Variants in OR3A2 observed in about 807,000 individuals in gnomAD.
OR3A2 encodes olfactory receptor 3A2.
For synonymous variants in OR3A2, 126 were observed against 159.3 expected (o/e 0.79, Z 1.57); for missense variants, 318 against 392.8 (o/e 0.81, Z 1.61).
chr17:3,357,161 T>C (rs2049470883), intron 2 of OR3A2, among the ~76,000 whole-genome samples: 1 of 151,752 alleles, frequency 6.6e-6, no homozygotes, highest in South Asian at 2.1e-4. Flanking sequence ...CCTGTTTGCA[T>C]AGGTGGTACT....
At chr17:3,380,868 G>A (rs1160399830) in intron 2 of OR3A2, among the ~76,000 whole-genome samples, 1 of 152,158 alleles carries the variant, frequency 6.6e-6, no homozygotes, top group African/African-American at 2.4e-5. Context: ...CGGACTTGAG[G>A]CAAGAGAGAG....
chr17:3,291,477 G>A (rs138205348), intron 3 of OR3A2: 1 of 597,950 alleles, frequency 1.7e-6, no homozygotes, highest in East Asian at 2.8e-5. Flanking sequence ...AATTGGACAG[G>A]GCTGCTTTCA....
chr17:3,319,573 G>C (rs1019778221), intron 3 of OR3A2, among the ~76,000 whole-genome samples: 1 of 151,800 alleles, frequency 6.6e-6, no homozygotes, highest in Non-Finnish European at 1.5e-5. Flanking sequence ...TCCCCTTCCG[G>C]GTCCATGTGT....
chr17:3,332,578 CCACT>C (rs1380467443), intron 3 of OR3A2, among the ~76,000 whole-genome samples: 5 of 152,202 alleles, frequency 3.3e-5, no homozygotes, highest in Non-Finnish European at 7.3e-5. Context: ...GTGTGCACAC[CCACT>C]GACCTGCGCC....
At chr17:3,294,454 A>G (rs1309760774) in intron 3 of OR3A2, among the ~76,000 whole-genome samples, 1 of 152,200 alleles carries the variant, frequency 6.6e-6, no homozygotes, top group African/African-American at 2.4e-5. Flanking sequence ...AAGACAAAGG[A>G]GATCCAATCT....
intron 2 of OR3A2, among the ~76,000 whole-genome samples, chr17:3,357,664 G>A (rs58769505): frequency 6.6e-6 from 1 of 151,430 alleles, no homozygotes; most frequent in Non-Finnish European, 1.5e-5. Flanking sequence ...CATTGTGAAT[G>A]TATCAGTGCC....
chr17:3,371,683 G>A (rs1305681152), intron 2 of OR3A2, among the ~76,000 whole-genome samples: 1 of 140,544 alleles, frequency 7.1e-6, no homozygotes, highest in African/African-American at 2.7e-5. Flanking sequence ...GGGGCGGCTG[G>A]CCGGGCGGGG....
rs557182458 is a variant in OR3A2, at chr17:3,330,175, A to G, written c.-85+5858T>C. On this transcript the variant is annotated intron_variant, in intron 3 of 4. Coordinates refer to the OR3A2 transcript ENST00000573491. ...AATAGGTGTGGTGTGGTGCTGAAAA[A>G]AATGTATATTCTGTTGATTTGGGGT... Among the ~76,000 whole-genome samples the G allele has an allele frequency of 1.1e-4, 17 of 150,922 alleles. No individual in the cohort carries two copies. The East Asian group carries it at 2.7e-3, about 24-fold the overall frequency.
intron 2 of OR3A2, among the ~76,000 whole-genome samples, chr17:3,375,234 T>TC (rs1412641870): frequency 3.9e-5 from 3 of 76,096 alleles, no homozygotes; most frequent in African/African-American, 1.5e-4. Context: ...TTTTTTCTTT[T>TC]TTTTTTTTTT....
At chr17:3,294,692 A>G (rs1057194586) in intron 3 of OR3A2, among the ~76,000 whole-genome samples, 7 of 152,132 alleles carry the variant, frequency 4.6e-5, no homozygotes, top group African/African-American at 1.7e-4. Context: ...AAAACAGACA[A>G]ACAAACAAAA....
chr17:3,367,108 T>TA (rs781515578), intron 2 of OR3A2, among the ~76,000 whole-genome samples: 1 of 152,140 alleles, frequency 6.6e-6, no homozygotes, highest in Non-Finnish European at 1.5e-5. Flanking sequence ...GCTCACAAAA[T>TA]AGAGTTTGGG....
At position 3,372,308 on chromosome 17, in the gene OR3A2, C is replaced by G. The variant is rs999771778; in HGVS notation, c.-179+11496G>C. 2.0e-5 allele frequency among the ~76,000 whole-genome samples: 3 copies of G among 149,372 alleles called. No homozygotes were observed. In the South Asian group the frequency reaches 6.6e-4, roughly 33 times the overall value. On this transcript the variant is annotated intron_variant, in intron 2 of 4. Coordinates refer to the OR3A2 transcript ENST00000573491. ...ACTCCTCACTTCCTAGATGGGATGG[C>G]GGCCGGGCAGAGACACTCCTCACTT...
At chr17:3,346,005 T>G (rs920521928) in intron 2 of OR3A2, among the ~76,000 whole-genome samples, 8 of 152,158 alleles carry the variant, frequency 5.3e-5, no homozygotes, top group African/African-American at 1.9e-4. Context: ...GATTTCTGCT[T>G]CTTCTAACAG....
intron 3 of OR3A2, among the ~76,000 whole-genome samples, chr17:3,323,886 T>C (rs2150637180): frequency 6.6e-6 from 1 of 152,192 alleles, no homozygotes; most frequent in Non-Finnish European, 1.5e-5. Flanking sequence ...CTGTATTTCC[T>C]GAATTTGAAT....
chr17:3,341,089 CCT>C (rs1181379555), intron 2 of OR3A2, among the ~76,000 whole-genome samples: 1 of 151,988 alleles, frequency 6.6e-6, no homozygotes, highest in Non-Finnish European at 1.5e-5. Flanking sequence ...AATTGCAACC[CCT>C]GCTTGTTTTT....
At chr17:3,303,873 T>C (rs231685) in intron 3 of OR3A2, among the ~76,000 whole-genome samples, 67,772 of 148,126 alleles carry the variant, frequency 0.46, 17,024 homozygotes, top group East Asian at 0.95. Context: ...GCCTGGGCGA[T>C]AGAGTGAGAC....
intron 2 of OR3A2, among the ~76,000 whole-genome samples, chr17:3,375,550 C>T (rs933755091): frequency 6.6e-6 from 1 of 152,074 alleles, no homozygotes; most frequent in African/African-American, 2.4e-5. Context: ...GATCCACCCT[C>T]CTCAGCATCC....
At chr17:3,323,121 G>C (rs549074150) in intron 3 of OR3A2, among the ~76,000 whole-genome samples, 183 of 152,218 alleles carry the variant, frequency 1.2e-3, no homozygotes, top group African/African-American at 4.0e-3. Context: ...TTACCGTTAA[G>C]TAATGGCCTT....
rs921639688 is a variant in OR3A2, at chr17:3,386,112, C to T, written c.-275+13G>A. 5.0e-6 allele frequency: 2 copies of T among 398,772 alleles called. No homozygotes were observed. The highest frequency in any genetic ancestry group is 2.1e-5 in the African/African-American group (1 of 48,628). The allele number at this position is 398,772 out of a possible 1,614,324, so 24.7% of individuals were successfully genotyped here. On this transcript the variant is annotated intron_variant, in intron 1 of 4. Coordinates refer to the OR3A2 transcript ENST00000573491. ...GGGCCCTCCGCTCCCCCATGTATTA[C>T]TTCTTGGGTCACCTGAGCCTCGTGG...
Sources: gnomAD v4.1 joint callset for allele counts (sites outside exome capture counted in the v4.1 genomes callset) on GRCh38, gnomAD v4.1.1 for gene constraint, MANE v1.5 for transcripts, NCBI Gene and HGNC (gene_info 2026-07-23, HGNC 2026-07-21) for gene names.